The following FRMD5 variants were observed in gnomAD, a reference collection of about 807,000 sequenced individuals.
The protein encoded by FRMD5 is FERM domain containing 5.
In FRMD5, 20 loss-of-function variants were observed where a neutral mutation model predicts 69.0. That is an observed-to-expected ratio of 0.29 (90% CI 0.20 to 0.42). The LOEUF is 0.42. Among genes scored for constraint, FRMD5 ranks in the 10% least tolerant of loss-of-function variants. FRMD5 has a pLI of 1.00. For synonymous variants in FRMD5, 271 were observed against 260.1 expected, an observed-to-expected ratio of 1.04 and a Z score of -0.40; for missense variants, 595 against 708.6, an observed-to-expected ratio of 0.84 and a Z score of 1.82.
chr15:43,910,075 T>C (rs907374062), intron 4 of FRMD5, 96 bp from the exon 5 acceptor site: 2 of 618,912 alleles, frequency 3.2e-6, no homozygotes, highest in African/African-American at 3.7e-5. Context: ...TTTGTCAGGA[T>C]ACTTTTACTA....
chr15:44,167,717 G>A (rs910196780), intron 1 of FRMD5, among the ~76,000 whole-genome samples: 2 of 152,140 alleles, frequency 1.3e-5, no homozygotes, highest in African/African-American at 2.4e-5. Context: ...AGCCTCCCAA[G>A]TAGCTGGGAT....
At chr15:44,040,471 C>G (rs1414639680) in intron 1 of FRMD5, among the ~76,000 whole-genome samples, 2 of 152,156 alleles carry the variant, frequency 1.3e-5, no homozygotes, top group East Asian at 1.9e-4. Flanking sequence ...GATCTCTTGA[C>G]AGAAACCCTA....
At chr15:43,975,679 T>C (rs1280405954) in intron 1 of FRMD5, among the ~76,000 whole-genome samples, 6 of 152,222 alleles carry the variant, frequency 3.9e-5, no homozygotes, top group Admixed American at 6.5e-5. Context: ...TCAAAATTGT[T>C]AACATGTCCA....
intron 1 of FRMD5, among the ~76,000 whole-genome samples, chr15:43,969,067 T>C (rs2090337155): frequency 6.6e-6 from 1 of 151,830 alleles, no homozygotes; most frequent in Non-Finnish European, 1.5e-5. Flanking sequence ...CATCCCAAAA[T>C]GAGGTTTAAA....
At chr15:44,194,710 G>A in intron 1 of FRMD5, 1 of 598,442 alleles carries the variant, frequency 1.7e-6, no homozygotes, top group Non-Finnish European at 3.0e-6. Flanking sequence ...GAGCAGGGTA[G>A]GACTTAGGGG....
At chr15:43,890,242 G>A (rs1489758078) in intron 8 of FRMD5, among the ~76,000 whole-genome samples, 1 of 152,214 alleles carries the variant, frequency 6.6e-6, no homozygotes, top group Non-Finnish European at 1.5e-5. Flanking sequence ...AAAGTAAGGA[G>A]TTTTATTTTG....
chr15:43,932,521 C>T (rs1028292826), intron 1 of FRMD5, among the ~76,000 whole-genome samples: 5 of 152,130 alleles, frequency 3.3e-5, no homozygotes, highest in Non-Finnish European at 4.4e-5. Flanking sequence ...TCCTGACATG[C>T]TCCCTAGAAA....
At chr15:44,047,907 T>C (rs1222602315) in intron 1 of FRMD5, among the ~76,000 whole-genome samples, 1 of 152,230 alleles carries the variant, frequency 6.6e-6, no homozygotes, top group Non-Finnish European at 1.5e-5. Flanking sequence ...TATTGCAAAA[T>C]CATATTCTAT....
chr15:43,942,679 T>A (rs546759718), intron 1 of FRMD5, among the ~76,000 whole-genome samples: 4 of 152,246 alleles, frequency 2.6e-5, no homozygotes, highest in African/African-American at 7.2e-5. Flanking sequence ...CACATAAGAG[T>A]CAAAATATAA....
chr15:44,133,392 C>T (rs190829617), intron 1 of FRMD5, among the ~76,000 whole-genome samples: 109 of 151,534 alleles, frequency 7.2e-4, no homozygotes, highest in African/African-American at 2.3e-3. Flanking sequence ...CTGGCTAACA[C>T]GGTGAAACCC....
At chr15:44,028,891 T>G (rs1473759655) in intron 1 of FRMD5, among the ~76,000 whole-genome samples, 1 of 152,184 alleles carries the variant, frequency 6.6e-6, no homozygotes, top group Non-Finnish European at 1.5e-5. Context: ...GACTGGATAT[T>G]TAGGTAATTT....
At chr15:43,916,016 G>C (rs969618178) in intron 4 of FRMD5, among the ~76,000 whole-genome samples, 34 of 151,306 alleles carry the variant, frequency 2.2e-4, no homozygotes, top group African/African-American at 7.9e-4. Flanking sequence ...CCCCAGGGAG[G>C]GGGAGGCACA....
intron 1 of FRMD5, among the ~76,000 whole-genome samples, chr15:44,048,233 TATCC>T (rs1892512565): frequency 6.6e-6 from 1 of 152,228 alleles, no homozygotes; most frequent in Non-Finnish European, 1.5e-5. Flanking sequence ...AAGGCTTGTC[TATCC>T]ATTTAATTAT....
intron 1 of FRMD5, among the ~76,000 whole-genome samples, chr15:44,153,498 T>A (rs918007653): frequency 1.3e-5 from 2 of 152,228 alleles, no homozygotes; most frequent in African/African-American, 2.4e-5. Context: ...TCCATTTATA[T>A]GAGGTATAGA....
intron 1 of FRMD5, chr15:43,989,128 T>G: frequency 1.0e-6 from 1 of 996,412 alleles, no homozygotes; most frequent in Non-Finnish European, 1.6e-6. Context: ...GATCCACATC[T>G]GCTGGACGGT....
chr15:44,116,424 A>G (rs867653317), intron 1 of FRMD5, among the ~76,000 whole-genome samples: 8 of 151,998 alleles, frequency 5.3e-5, no homozygotes, highest in Non-Finnish European at 8.8e-5. Flanking sequence ...CCCAGCTCCA[A>G]ATATATTTCT....
intron 7 of FRMD5, among the ~76,000 whole-genome samples, chr15:43,893,389 C>T (rs145950454): frequency 1.1e-4 from 17 of 152,290 alleles, no homozygotes; most frequent in Admixed American, 2.6e-4. Flanking sequence ...CTCTGTTGAA[C>T]ATAGTGGGGA....
At chr15:43,983,470 G>C (rs1057481271) in intron 1 of FRMD5, among the ~76,000 whole-genome samples, 5 of 152,088 alleles carry the variant, frequency 3.3e-5, no homozygotes, top group African/African-American at 1.2e-4. Flanking sequence ...TCCTTGATCT[G>C]GTTTCCTCAG....
intron 1 of FRMD5, among the ~76,000 whole-genome samples, chr15:44,049,222 C>T (rs1009093019): frequency 3.7e-4 from 56 of 152,172 alleles, no homozygotes; most frequent in African/African-American, 1.4e-3. Flanking sequence ...CCAAACCAGA[C>T]CTCTAACCAG....
Sources: allele counts gnomAD v4.1 joint callset (sites outside exome capture counted in the v4.1 genomes callset), GRCh38; gene constraint gnomAD v4.1.1; transcripts MANE v1.5; gene names NCBI Gene and HGNC (gene_info 2026-07-23, HGNC 2026-07-21).